The following TMEM121 variants were observed in gnomAD, a reference collection of about 807,000 sequenced individuals.
TMEM121 encodes the protein transmembrane protein 121A.
In TMEM121, 8 loss-of-function variants were observed where a neutral mutation model predicts 16.4. The ratio of observed to expected loss-of-function variants is 0.49; its 90% CI spans 0.29 to 0.88. TMEM121 has a LOEUF of 0.88. Among genes scored for constraint, TMEM121 ranks in the 40% least tolerant of loss-of-function variants. The pLI, the probability that TMEM121 is intolerant of heterozygous loss-of-function variation, is 0.09. For missense variants in TMEM121, 401 were observed against 462.0 expected (o/e 0.87, Z 1.21); for synonymous variants, 235 against 226.2 (o/e 1.04, Z -0.35).
At chr14:105,527,810 G>T (rs2084601299) in intron 1 of TMEM121, among the ~76,000 whole-genome samples, 1 of 151,994 alleles carries the variant, frequency 6.6e-6, no homozygotes, top group Non-Finnish European at 1.5e-5. Flanking sequence ...GTGGGTGCGG[G>T]TGTGCGGGCC....
intron 1 of TMEM121, among the ~76,000 whole-genome samples, chr14:105,527,936 C>T (rs1260102768): frequency 6.6e-6 from 1 of 152,018 alleles, no homozygotes; most frequent in Non-Finnish European, 1.5e-5. Flanking sequence ...CCCGACGGGC[C>T]TTGGTGGACG....
Position 105,529,372 on chromosome 14 carries a change from G to A in TMEM121, c.538G>A (p.Glu180Lys), listed in dbSNP as rs2084620168. Reference protein sequence around the residue: ...PPRSGLPLWAEGLTFFYCYML... With the variant: ...PPRSGLPLWAKGLTFFYCYML... The stretch of plus-strand genomic sequence containing the variant: ...GCGCTCCGGGCTGCCGCTGTGGGCC[G>A]AGGGCCTCACCTTCTTCTACTGCTA... Residue 180 changes from glutamate (E) to lysine (K), a missense_variant, in exon 2 of 2, where the codon GAG (glutamate) becomes AAG (lysine). Physicochemically the swap from Glu to Lys is moderately conservative, Grantham distance 56. Transcript: ENST00000392519. The A allele has an allele frequency of 6.5e-7, 1 of 1,541,966 alleles. No homozygotes were observed. The highest frequency in any genetic ancestry group is 8.7e-7 in the Non-Finnish European group (1 of 1,146,708).
At chr14:105,528,605 G>A (rs1203067875) in intron 1 of TMEM121, 117 bp from the exon 2 acceptor site, 2 of 288,256 alleles carry the variant, frequency 6.9e-6, no homozygotes, top group Non-Finnish European at 1.2e-5. Context: ...GCGATGCCTC[G>A]GGGCCCCGGC....
chr14:105,529,151 A>T lies in TMEM121; in HGVS notation c.317A>T (p.Asp106Val). 6.3e-7 allele frequency: 1 copy of T among 1,598,384 alleles called. No individual in the cohort carries two copies. Among genetic ancestry groups the T allele is most frequent in the South Asian group, 1.1e-5 (1 of 89,766 alleles). ...AAGGCGGCGCGGCGCGGCGCGGCGG[A>T]CCCCGTGGCGCGCAAGGCGCTGACG... ...NYKAARRGAA[D>V]PVARKALTLL... The change falls in exon 2 of 2, where the codon GAC becomes GTC. Residue 106 changes from aspartate (D) to valine (V), a missense_variant. Asp to Val is a radical substitution (Grantham distance 152). Coordinates refer to ENST00000392519, the MANE Select transcript of TMEM121 (RefSeq NM_025268.4).
chr14:105,528,197 C>G (rs1328699894), intron 1 of TMEM121, among the ~76,000 whole-genome samples: 2 of 151,634 alleles, frequency 1.3e-5, no homozygotes, highest in African/African-American at 4.9e-5. Flanking sequence ...GCTTGTGGGA[C>G]GGATGCATCG....
Position 105,529,571 on chromosome 14 carries a change from CG to C in TMEM121, c.739del (p.Ala247ProfsTer159), listed in dbSNP as rs2084624221. 6.4e-7 allele frequency: 1 copy of C among 1,556,332 alleles called. No homozygotes were observed. The highest frequency in any genetic ancestry group is 8.6e-7 in the Non-Finnish European group (1 of 1,157,416). ...NMALFRDSRV[S>X]AIFVGKNVVA... Reference sequence around the variant, plus strand: ...GCGCTGTTCCGGGACAGCCGTGTCTCGGCCATCTTCGTCGGCAAAAACGTGG... The same window carrying C: ...GCGCTGTTCCGGGACAGCCGTGTCTCGCCATCTTCGTCGGCAAAAACGTGG... On this transcript the variant is annotated frameshift_variant, in exon 2 of 2. Coordinates refer to ENST00000392519, the MANE Select transcript of TMEM121 (RefSeq NM_025268.4). LOFTEE classifies it high-confidence loss of function.
In TMEM121 at chr14:105,529,735, C is replaced by T; in HGVS notation, c.901C>T (p.His301Tyr). 3.3e-6 allele frequency: 5 copies of T among 1,514,614 alleles called. No homozygotes were observed. The highest frequency in any genetic ancestry group is 4.4e-6 in the Non-Finnish European group (5 of 1,138,800). 93.8% of individuals were successfully genotyped at this position (1,514,614 alleles called of 1,614,324 possible). The change falls in exon 2 of 2, where the codon CAC becomes TAC. Residue 301 changes from histidine (H) to tyrosine (Y), a missense_variant. By Grantham distance (83) the His-to-Tyr change is moderately conservative. Coordinates refer to ENST00000392519, the MANE Select transcript of TMEM121 (RefSeq NM_025268.4). ...GGTGCCGCCGCCGCCGCCGCCGCTG[C>T]ACGGCCCGCCTGGGCGCCCCCACAT... ...NSVPPPPPPL[H>Y]GPPGRPHMSS...
Position 105,528,920 on chromosome 14 carries a change from T to C in TMEM121, c.86T>C (p.Leu29Pro). ...AGCATGGCCGTCATGGACGCGTACC[T>C]GGTGGAGCAGAACCAGGGCCCGCGC... ...MGSMAVMDAYLVEQNQGPRKI... is the reference protein window; with the variant it reads ...MGSMAVMDAYPVEQNQGPRKI... Residue 29 changes from leucine (L) to proline (P), a missense_variant, in exon 2 of 2, where the codon CTG (leucine) becomes CCG (proline). Physicochemically the swap from Leu to Pro is moderately conservative, Grantham distance 98. Transcript: ENST00000392519. The C allele has an allele frequency of 6.3e-7, 1 of 1,588,690 alleles. No individual in the cohort carries two copies. The highest frequency in any genetic ancestry group is 8.6e-7 in the Non-Finnish European group (1 of 1,168,018).
chr14:105,530,154 G>C lies in TMEM121; in HGVS notation c.*360G>C. ...TCTGGCTCAGATTTGGGGCCAAGGA[G>C]GCCTCTGTCATTTTAAAGACTCGTG... On this transcript the variant is annotated 3_prime_UTR_variant, in exon 2 of 2. Coordinates refer to ENST00000392519, the MANE Select transcript of TMEM121 (RefSeq NM_025268.4). The C allele has an allele frequency of 3.5e-6, 1 of 286,962 alleles. No homozygotes were observed. The highest frequency in any genetic ancestry group is 6.5e-6 in the Non-Finnish European group (1 of 153,770). 17.8% of individuals were successfully genotyped at this position (286,962 alleles called of 1,614,324 possible).
chr14:105,529,656 CCCG>C lies in TMEM121; in HGVS notation c.828_830del (p.Pro277del). The C allele has an allele frequency of 6.3e-7, 1 of 1,575,576 alleles. No homozygotes were observed. Among genetic ancestry groups the C allele is most frequent in the South Asian group, 1.1e-5 (1 of 87,282 alleles). ...AGTACCGCCGCCAGGTGCGCGACTT[CCCG>C]CCGCCTGCGCTATCACTGGAGCTGC... On this transcript the variant is annotated inframe_deletion, in exon 2 of 2. Transcript: ENST00000392519.
At chr14:105,528,600 G>A (rs2084608407) in intron 1 of TMEM121, 122 bp from the exon 2 acceptor site, 1 of 272,426 alleles carries the variant, frequency 3.7e-6, no homozygotes, top group African/African-American at 2.2e-5. Context: ...CGTGCGCGAT[G>A]CCTCGGGGCC....
Position 105,529,745 on chromosome 14 carries a change from C to T in TMEM121, c.911C>T (p.Pro304Leu). ...CCGCCGCCGCCGCTGCACGGCCCGC[C>T]TGGGCGCCCCCACATGTCCTCGCCC... ...PPPPPPLHGP[P>L]GRPHMSSPTR... The change falls in exon 2 of 2, where the codon CCT (proline) becomes CTT (leucine). Residue 304 changes from proline to leucine, a missense_variant. Pro to Leu is a moderately conservative substitution (Grantham distance 98). Transcript: ENST00000392519. 2.7e-5 allele frequency: 41 copies of T among 1,506,330 alleles called. No homozygotes were observed. The highest frequency in any genetic ancestry group is 3.5e-5 in the Non-Finnish European group (40 of 1,135,790). 93.3% of individuals were successfully genotyped at this position (1,506,330 alleles called of 1,614,324 possible).
In TMEM121 at chr14:105,529,885, G is replaced by A. The variant is rs1464800490; in HGVS notation, c.*91G>A. 3.2e-6 allele frequency: 4 copies of A among 1,259,734 alleles called. No individual in the cohort carries two copies. Among genetic ancestry groups the A allele is most frequent in the African/African-American group, 3.2e-5 (2 of 62,732 alleles). The allele number at this position is 1,259,734 out of a possible 1,614,324, so 78.0% of individuals were successfully genotyped here. A position where few individuals can be genotyped will look rare whatever the true frequency, so the allele number is the denominator to read the frequency against. On this transcript the variant is annotated 3_prime_UTR_variant, in exon 2 of 2. Coordinates refer to ENST00000392519, the MANE Select transcript of TMEM121 (RefSeq NM_025268.4). ...GGTTTGCATGGGATGGGGTGGGGGC[G>A]GGCTCCCCTAGGGACAGGTGCCTCG...
rs1555444272 is a variant in TMEM121 at position 105,529,498 on chromosome 14, C to A, written c.664C>A (p.Leu222Ile). The A allele has an allele frequency of 1.3e-6, 2 of 1,542,122 alleles. No homozygotes were observed. The highest frequency in any genetic ancestry group is 1.7e-6 in the Non-Finnish European group (2 of 1,144,362). The change falls in exon 2 of 2, where the codon CTC (leucine) becomes ATC (isoleucine). Residue 222 changes from leucine (L) to isoleucine (I), a missense_variant. Leu to Ile is a conservative substitution (Grantham distance 5). Transcript: ENST00000392519. ...QKMMLYPVLS[L>I]ATVNVVAVLA... ...GATGATGCTGTACCCGGTGCTCAGCCTCGCCACCGTCAATGTGGTGGCCGT... is the reference window on the plus strand; with the variant it reads ...GATGATGCTGTACCCGGTGCTCAGCATCGCCACCGTCAATGTGGTGGCCGT...
At chr14:105,528,280 G>C (rs1211643331) in intron 1 of TMEM121, among the ~76,000 whole-genome samples, 2 of 150,478 alleles carry the variant, frequency 1.3e-5, no homozygotes, top group African/African-American at 5.0e-5. Flanking sequence ...CTCCAAGAGC[G>C]GAGGGGCAGG....
In TMEM121 at chr14:105,529,030, G is replaced by T. The variant is rs782519978; in HGVS notation, c.196G>T (p.Glu66Ter). The T allele has an allele frequency of 6.2e-7, 1 of 1,612,206 alleles. No homozygotes were observed. The highest frequency in any genetic ancestry group is 8.5e-7 in the Non-Finnish European group (1 of 1,179,728). Residue 66 changes from glutamate to a stop codon, truncating the protein, a stop_gained, in exon 2 of 2, where the codon GAG (glutamate) becomes TAG (stop). Transcript: ENST00000392519. LOFTEE classifies it high-confidence loss of function. Reference sequence around the variant, plus strand: ...CTACGTGGCCGTGTGGGTGGGCGCCGAGGTGCGCACGGCCAAGCGCGGCTA... The same window carrying T: ...CTACGTGGCCGTGTGGGTGGGCGCCTAGGTGCGCACGGCCAAGCGCGGCTA... ...LRYVAVWVGA[E>*]VRTAKRGYAM...
At position 105,529,404 on chromosome 14, in the gene TMEM121, G is replaced by A; in HGVS notation, c.570G>A (p.Leu190=). 1 of 1,544,734 alleles carries A rather than the reference G, an allele frequency of 6.5e-7. No homozygotes were observed. The highest frequency in any genetic ancestry group is 8.7e-7 in the Non-Finnish European group (1 of 1,146,800). ...TCACCTTCTTCTACTGCTACATGCT[G>A]CTGCTGGTGCTGCCGTGCGTGGCGC... is the stretch of plus-strand genomic sequence containing the variant. ...EGLTFFYCYM[L]LLVLPCVALS... Residue 190 remains leucine (L), a synonymous_variant, in exon 2 of 2, where the codon CTG becomes CTA. Coordinates refer to ENST00000392519, the MANE Select transcript of TMEM121 (RefSeq NM_025268.4).
At position 105,528,801 on chromosome 14, in the gene TMEM121, C is replaced by G; in HGVS notation, c.-34C>G. 1 of 1,352,974 alleles carries G rather than the reference C, an allele frequency of 7.4e-7. No homozygotes were observed. Among genetic ancestry groups the G allele is most frequent in the Non-Finnish European group, 9.4e-7 (1 of 1,060,852 alleles). 83.8% of individuals were successfully genotyped at this position (1,352,974 alleles called of 1,614,324 possible). ...GCCTCGTCCCGCCAGGCGTGGGGGC[C>G]GCGCGCGCCCAGGCCGGGGCCCGGC... On this transcript the variant is annotated 5_prime_UTR_variant, in exon 2 of 2. Coordinates refer to ENST00000392519, the MANE Select transcript of TMEM121 (RefSeq NM_025268.4).
At chr14:105,527,988 C>A (rs1386008423) in intron 1 of TMEM121, among the ~76,000 whole-genome samples, 1 of 149,292 alleles carries the variant, frequency 6.7e-6, no homozygotes, top group Admixed American at 6.6e-5. Flanking sequence ...ATCGCCCTGG[C>A]GCAGAGGAGC....
Sources: gnomAD v4.1 joint callset for allele counts (sites outside exome capture counted in the v4.1 genomes callset) on GRCh38, gnomAD v4.1.1 for gene constraint, MANE v1.5 for transcripts, NCBI Gene and HGNC (gene_info 2026-07-23, HGNC 2026-07-21) for gene names.